MBP: variants seen among roughly 807,000 people sequenced by gnomAD.
The protein encoded by MBP is myelin basic protein.
Under a neutral mutation model 35.8 loss-of-function variants are expected in MBP, and 16 were observed. The observed-to-expected ratio is 0.45, with a 90% CI of 0.30 to 0.68. MBP has a LOEUF of 0.68. Ranked by LOEUF, MBP falls within the 30% of genes least tolerant of loss-of-function variation. The probability of loss-of-function intolerance (pLI) is 0.08; values close to 1 mark genes in which losing one functional copy is unlikely to be tolerated. For missense variants in MBP, 380 were observed against 404.7 expected, an observed-to-expected ratio of 0.94 and a Z score of 0.52; for synonymous variants, 143 against 159.6, an observed-to-expected ratio of 0.90 and a Z score of 0.78.
rs114538754 is a variant in MBP at position 77,079,068 on chromosome 18, A to G, written c.52-12683T>C. On this transcript the variant is annotated intron_variant, in intron 2 of 8. Transcript: ENST00000355994. ...GGAGGGCACATCATCCCCAGCCCTG[A>G]CAAACGACCAACCCTTTGAGTCCCC... Among the ~76,000 whole-genome samples, 449 of 152,346 alleles carry G rather than the reference A, an allele frequency of 2.9e-3. 5 individuals carry two copies. The highest frequency in any genetic ancestry group is 0.01 in the African/African-American group (418 of 41,580).
intron 1 of MBP, among the ~76,000 whole-genome samples, chr18:77,118,544 G>C (rs1209943569): frequency 6.6e-6 from 1 of 151,736 alleles, no homozygotes; most frequent in African/African-American, 2.4e-5. Flanking sequence ...CACAGACAGA[G>C]ACAGTGCGGA....
intron 3 of MBP, among the ~76,000 whole-genome samples, chr18:77,047,959 C>T (rs768573011): frequency 6.6e-6 from 1 of 152,218 alleles, no homozygotes; most frequent in Non-Finnish European, 1.5e-5. Flanking sequence ...ACCACTAAGA[C>T]CAATTCACCC....
chr18:77,083,010 C>T (rs920467134), intron 2 of MBP, among the ~76,000 whole-genome samples: 6 of 151,658 alleles, frequency 4.0e-5, no homozygotes, highest in African/African-American at 7.3e-5. Flanking sequence ...AGTCTTGTTC[C>T]GTCACCCAGG....
chr18:76,989,825 G>T lies in MBP; in HGVS notation c.681+131C>A. ...ATCAGGTGCGAGGGGGGAGTTCCCC[G>T]GCCGGCCTCACCCTGATGATGACCC... is the stretch of plus-strand genomic sequence containing the variant. On this transcript the variant is annotated intron_variant, in intron 5 of 8. Coordinates refer to ENST00000355994, the MANE Select transcript of MBP (RefSeq NM_001025101.2). This position sits in a 1 kb window ranked among gnomAD's most constrained non-coding sequence, Gnocchi z 4.0. 1.4e-6 allele frequency: 1 copy of T among 718,216 alleles called. No individual in the cohort carries two copies. The highest frequency in any genetic ancestry group is 2.4e-6 in the Non-Finnish European group (1 of 417,440). 44.5% of individuals were successfully genotyped at this position (718,216 alleles called of 1,614,324 possible).
intron 2 of MBP, among the ~76,000 whole-genome samples, chr18:77,082,984 T>C (rs1239346634): frequency 6.6e-6 from 1 of 152,016 alleles, no homozygotes; most frequent in Non-Finnish European, 1.5e-5. Flanking sequence ...AGTATTTTTT[T>C]TTTTTCTTGA....
In MBP at chr18:77,116,613, T is replaced by G. The variant is rs1023303441; in HGVS notation, c.-25-11327A>C. ...AGTGCTATTATTATGCTCCCCACTTTACAGACGTTGAAACTCATGAGGTTT... is the reference window on the plus strand; with the variant it reads ...AGTGCTATTATTATGCTCCCCACTTGACAGACGTTGAAACTCATGAGGTTT... On this transcript the variant is annotated intron_variant, in intron 1 of 8. Coordinates refer to ENST00000355994, the MANE Select transcript of MBP (RefSeq NM_001025101.2). Among the ~76,000 whole-genome samples, 9 of 152,282 alleles carry G rather than the reference T, an allele frequency of 5.9e-5. No individual in the cohort carries two copies. In the South Asian group the frequency reaches 1.9e-3, roughly 32 times the overall value.
At chr18:77,112,235 C>T (rs1976488164) in intron 1 of MBP, among the ~76,000 whole-genome samples, 1 of 151,926 alleles carries the variant, frequency 6.6e-6, no homozygotes, top group Admixed American at 6.6e-5. Flanking sequence ...GAGCTGAGGA[C>T]AAGGCGTGGG....
At chr18:77,012,199 T>C (rs1024911501) in intron 4 of MBP, among the ~76,000 whole-genome samples, 1 of 152,250 alleles carries the variant, frequency 6.6e-6, no homozygotes, top group Non-Finnish European at 1.5e-5. Context: ...ACACTCATTA[T>C]CATCTTTCAG....
At chr18:77,029,426 G>C (rs1439005659) in intron 3 of MBP, among the ~76,000 whole-genome samples, 1 of 123,392 alleles carries the variant, frequency 8.1e-6, no homozygotes, top group East Asian at 2.9e-4. Flanking sequence ...GGAGACCGTG[G>C]GGAGAGGGAG....
Position 76,987,663 on chromosome 18 carries a change from A to T in MBP, c.750+832T>A, listed in dbSNP as rs1407914041. On this transcript the variant is annotated intron_variant, in intron 7 of 8. Transcript: ENST00000355994. The stretch of plus-strand genomic sequence containing the variant: ...AGGCTCTGTTCTAGCGTATGAGAGC[A>T]TTGCAGTTTCGGAGACAGACACAAC... The T allele has an allele frequency of 4.0e-6, 4 of 990,466 alleles. No individual in the cohort carries two copies. In the African/African-American group the frequency reaches 5.2e-5, roughly 13 times the overall value. The allele number at this position is 990,466 out of a possible 1,614,324, so 61.4% of individuals were successfully genotyped here.
At chr18:77,073,338 C>T (rs527396939) in intron 2 of MBP, among the ~76,000 whole-genome samples, 59 of 152,246 alleles carry the variant, frequency 3.9e-4, no homozygotes, top group African/African-American at 1.4e-3. Context: ...TTTATCTACC[C>T]GAAAGCTAAG....
chr18:77,132,908 G>T (rs971354563), upstream of MBP: 1 of 151,986 alleles, frequency 6.6e-6, no homozygotes, highest in Non-Finnish European at 1.5e-5. Flanking sequence ...CGCGGCCGCC[G>T]GCGCCGCCCC....
chr18:77,087,456 G>C (rs541452926), intron 2 of MBP: 1 of 63,650 alleles, frequency 1.6e-5, no homozygotes, highest in African/African-American at 4.4e-5. Flanking sequence ...GCAGGGATCC[G>C]CGGAGCTCGC....
At chr18:77,115,581 G>A (rs72973229) in intron 1 of MBP, 2,645 of 152,334 alleles carry the variant, frequency 0.017, 42 homozygotes, top group Middle Eastern at 0.024. Context: ...CCCCACCGTG[G>A]TCTCAAAGAA....
intron 1 of MBP, among the ~76,000 whole-genome samples, chr18:77,123,907 C>T (rs1332456108): frequency 6.6e-6 from 1 of 152,212 alleles, no homozygotes; most frequent in Non-Finnish European, 1.5e-5. Flanking sequence ...CTGAGTAGAG[C>T]ATTTCTCTGT....
At chr18:77,029,312 G>C (rs942478942) in intron 3 of MBP, among the ~76,000 whole-genome samples, 4 of 150,170 alleles carry the variant, frequency 2.7e-5, no homozygotes, top group Non-Finnish European at 5.9e-5. Context: ...TCGGCAGGCT[G>C]AGGCAGGAGA....
chr18:77,113,405 G>A (rs1466376477), intron 1 of MBP: 3 of 152,362 alleles, frequency 2.0e-5, no homozygotes, highest in Non-Finnish European at 4.4e-5. Flanking sequence ...GCCTCCTGCA[G>A]AGCTCCCACT....
At chr18:77,086,327 A>G (rs1312320208) in intron 2 of MBP, among the ~76,000 whole-genome samples, 1 of 152,230 alleles carries the variant, frequency 6.6e-6, no homozygotes, top group East Asian at 1.9e-4. Flanking sequence ...TCATGCATAC[A>G]AGTGCGAATA....
intron 2 of MBP, among the ~76,000 whole-genome samples, chr18:77,103,001 A>G (rs1348536038): frequency 2.6e-5 from 4 of 152,198 alleles, no homozygotes; most frequent in South Asian, 2.1e-4. Context: ...TCACCCTCCC[A>G]TTCAACATTG....
Sources: allele counts gnomAD v4.1 joint callset (sites outside exome capture counted in the v4.1 genomes callset), GRCh38; gene constraint gnomAD v4.1.1; non-coding constraint Gnocchi (gnomAD v3.1); transcripts MANE v1.5; gene names NCBI Gene and HGNC (gene_info 2026-07-23, HGNC 2026-07-21).